Variants in ZNF540 observed in about 807,000 individuals in gnomAD.
ZNF540 encodes CTD-3064H18.6.
ZNF540 carries 3 observed loss-of-function variants against 11.8 expected under a neutral mutation model. The ratio of observed to expected loss-of-function variants is 0.25; its 90% confidence interval spans 0.12 to 0.65. ZNF540 has a LOEUF of 0.65. Ranked by LOEUF, ZNF540 falls within the 30% of genes least tolerant of loss-of-function variation. The pLI is 0.83. For missense variants in ZNF540, 709 were observed against 793.1 expected, an observed-to-expected ratio of 0.89 and a Z score of 1.27; for synonymous variants, 247 against 259.0, an observed-to-expected ratio of 0.95 and a Z score of 0.45.
At chr19:37,593,771 G>C (rs899784145), upstream of ZNF540, among the ~76,000 whole-genome samples, 1 of 152,110 alleles carries the variant, frequency 6.6e-6, no homozygotes, top group African/African-American at 2.4e-5. Flanking sequence ...GTGGAAAGGA[G>C]AGGTGTAGTG....
At chr19:37,572,126 C>T (rs2043081438) in intron 1 of ZNF540, among the ~76,000 whole-genome samples, 2 of 152,134 alleles carry the variant, frequency 1.3e-5, no homozygotes, top group African/African-American at 4.8e-5. Flanking sequence ...CATATTTATA[C>T]ATCTCCTACT....
chr19:37,604,652 A>G (rs79288437), intron 4 of ZNF540, among the ~76,000 whole-genome samples: 4,492 of 152,262 alleles, frequency 0.03, 237 homozygotes, highest in African/African-American at 0.1. Flanking sequence ...GATATGATTT[A>G]TATAGAATAA....
chr19:37,606,666 T>G (rs975606099), intron 4 of ZNF540, among the ~76,000 whole-genome samples: 1 of 152,214 alleles, frequency 6.6e-6, no homozygotes, highest in Non-Finnish European at 1.5e-5. Context: ...GAGCAATTGC[T>G]TATTAGCTAT....
At chr19:37,573,035 A>G (rs2043119748) in intron 1 of ZNF540, among the ~76,000 whole-genome samples, 1 of 152,222 alleles carries the variant, frequency 6.6e-6, no homozygotes, top group African/African-American at 2.4e-5. Context: ...TCAATGTGAT[A>G]CATACTTTCA....
chr19:37,584,053 C>T (rs762403894), intron 1 of ZNF540: 1 of 1,614,014 alleles, frequency 6.2e-7, no homozygotes, highest in East Asian at 2.2e-5. Flanking sequence ...ATTCCCATTC[C>T]TCCTGAGAGA....
chr19:37,582,720 A>C (rs930116016), intron 1 of ZNF540, among the ~76,000 whole-genome samples: 1 of 152,176 alleles, frequency 6.6e-6, no homozygotes, highest in Admixed American at 6.5e-5. Context: ...GCCAATCTTC[A>C]AAATAACTCC....
At chr19:37,551,647 T>G (rs1482913991) in exon 1 of ZNF540, 1 of 152,360 alleles carries the variant, frequency 6.6e-6, no homozygotes, top group African/African-American at 2.4e-5. Flanking sequence ...TTGAACGTTG[T>G]CCCGCCTGGG....
chr19:37,582,036 T>G (rs1481210049), intron 1 of ZNF540, among the ~76,000 whole-genome samples: 1 of 152,172 alleles, frequency 6.6e-6, no homozygotes, highest in East Asian at 1.9e-4. Context: ...CTAATCACAC[T>G]TCTTTCCCCT....
rs1488575802 is a variant in ZNF540 at position 37,612,526 on chromosome 19, T to G, written c.1246T>G (p.Cys416Gly). The G allele has an allele frequency of 1.9e-6, 3 of 1,613,974 alleles. No homozygotes were observed. In the African/African-American group the frequency reaches 4.0e-5, roughly 22 times the overall value. ...TGIKPFACKVCEKAFSYSGDL... is the reference protein window; with the variant it reads ...TGIKPFACKVGEKAFSYSGDL... ...TATAAAACCTTTTGCATGTAAGGTG[T>G]GTGAGAAGGCTTTTAGTTATAGTGG... The change falls in exon 5 of 5, where the codon TGT (cysteine) becomes GGT (glycine). Residue 416 changes from cysteine to glycine, a missense_variant. Cys to Gly is a radical substitution (Grantham distance 159). Coordinates refer to ENST00000316433, the MANE Select transcript of ZNF540 (RefSeq NM_001172225.3).
At chr19:37,589,864 C>CAGAAAA (rs2043813860), upstream of ZNF540, among the ~76,000 whole-genome samples, 1 of 29,590 alleles carries the variant, frequency 3.4e-5, no homozygotes. Context: ...GACTCCATCT[C>CAGAAAA]AAAAAAAAAA....
At chr19:37,610,364 T>C (rs559458402) in intron 4 of ZNF540, among the ~76,000 whole-genome samples, 30 of 152,288 alleles carry the variant, frequency 2.0e-4, no homozygotes, top group African/African-American at 7.2e-4. Context: ...CATCTTCCTT[T>C]GGGAAGGTTT....
chr19:37,613,001 C>A lies in ZNF540; in HGVS notation c.1721C>A (p.Thr574Lys), dbSNP rs1294595028. The A allele has an allele frequency of 2.5e-6, 4 of 1,614,126 alleles. No homozygotes were observed. Among genetic ancestry groups the A allele is most frequent in the South Asian group, 2.2e-5 (2 of 91,086 alleles). ...TTCACTGAACATCAGAAAATTCATA[C>A]GGGTGTAAAACCATACAAATGTAAA... Reference protein sequence around the residue: ...GQFTEHQKIHTGVKPYKCKEC... With the variant: ...GQFTEHQKIHKGVKPYKCKEC... Residue 574 changes from threonine to lysine, a missense_variant, in exon 5 of 5, where the codon ACG (threonine) becomes AAG (lysine). Coordinates refer to ENST00000316433, the MANE Select transcript of ZNF540 (RefSeq NM_001172225.3).
Position 37,612,958 on chromosome 19 carries a change from T to G in ZNF540, c.1678T>G (p.Phe560Val), listed in dbSNP as rs1367780421. The stretch of plus-strand genomic sequence containing the variant: ...TGACTGTAAAGAATGTGGGAAGTCC[T>G]TTAGTCGGCGTGGGCAGTTCACTGA... ...PYDCKECGKS[F>V]SRRGQFTEHQ... The change falls in exon 5 of 5, where the codon TTT (phenylalanine) becomes GTT (valine). Residue 560 changes from phenylalanine (F) to valine (V), a missense_variant. Transcript: ENST00000316433. The G allele has an allele frequency of 1.2e-6, 2 of 1,614,186 alleles. No homozygotes were observed. The highest frequency in any genetic ancestry group is 1.3e-5 in the African/African-American group (1 of 75,044).
At chr19:37,603,473 G>A (rs2044056705) in intron 4 of ZNF540, among the ~76,000 whole-genome samples, 1 of 152,112 alleles carries the variant, frequency 6.6e-6, no homozygotes, top group Non-Finnish European at 1.5e-5. Context: ...TGGGTTGATT[G>A]ATGTGGTATT....
intron 1 of ZNF540, among the ~76,000 whole-genome samples, chr19:37,577,266 A>G (rs2043274479): frequency 6.6e-6 from 1 of 152,138 alleles, no homozygotes; most frequent in African/African-American, 2.4e-5. Context: ...TATGAGGTAA[A>G]TCATAACAAA....
intron 1 of ZNF540, among the ~76,000 whole-genome samples, chr19:37,597,055 T>G (rs1188970494): frequency 3.3e-5 from 5 of 152,104 alleles, no homozygotes; most frequent in Admixed American, 6.5e-5. Context: ...TTATTAACAG[T>G]GGATTTAGGT....
chr19:37,605,320 C>T (rs1270870275), intron 4 of ZNF540, among the ~76,000 whole-genome samples: 5 of 151,804 alleles, frequency 3.3e-5, no homozygotes, highest in African/African-American at 1.2e-4. Flanking sequence ...ATTAGCTAGG[C>T]ATGGTGGTAC....
At position 37,611,538 on chromosome 19, in the gene ZNF540, G is replaced by T; in HGVS notation, c.258G>T (p.Lys86Asn). ...GTTTGTTATCCAGGCATAAGACCAA[G>T]AAATTATCTTCAGAAAAGGACATTC... ...CPGLLSRHKT[K>N]KLSSEKDIHE... The change falls in exon 5 of 5, where the codon AAG becomes AAT. Residue 86 changes from lysine (K) to asparagine (N), a missense_variant. Lys to Asn is a moderately conservative substitution (Grantham distance 94). Coordinates refer to ENST00000316433, the MANE Select transcript of ZNF540 (RefSeq NM_001172225.3). 4 of 1,600,846 alleles carry T rather than the reference G, an allele frequency of 2.5e-6. No homozygotes were observed. Among genetic ancestry groups the T allele is most frequent in the Non-Finnish European group, 3.4e-6 (4 of 1,174,818 alleles).
chr19:37,588,454 G>A (rs1044413909), intron 1 of ZNF540, among the ~76,000 whole-genome samples: 17 of 152,170 alleles, frequency 1.1e-4, no homozygotes, highest in Non-Finnish European at 2.2e-4. Flanking sequence ...AATTAACACA[G>A]AAACAAAACC....
Sources: gnomAD v4.1 joint callset for allele counts (sites outside exome capture counted in the v4.1 genomes callset) on GRCh38, gnomAD v4.1.1 for gene constraint, MANE v1.5 for transcripts, NCBI Gene and HGNC (gene_info 2026-07-23, HGNC 2026-07-21) for gene names.